The following GMPR variants were observed in gnomAD, a reference collection of about 807,000 sequenced individuals.
GMPR encodes guanosine monophosphate reductase.
A neutral mutation model predicts 38.4 loss-of-function variants in GMPR; 31 were observed. That is an observed-to-expected ratio of 0.81 (90% CI 0.61 to 1.09). The LOEUF (loss-of-function observed/expected upper bound fraction) is 1.09. Ranked by LOEUF, GMPR falls within the 50% of genes least tolerant of loss-of-function variation. GMPR has a pLI of 0.00. For missense variants in GMPR, 468 were observed against 453.7 expected (o/e 1.03, Z -0.29); for synonymous variants, 162 against 173.3 (o/e 0.93, Z 0.51).
intron 3 of GMPR, among the ~76,000 whole-genome samples, chr6:16,251,955 G>A (rs1201596363): frequency 5.3e-5 from 8 of 152,152 alleles, no homozygotes; most frequent in Admixed American, 3.3e-4. Flanking sequence ...GTCTCCCTGG[G>A]TTAGAGGTGT....
At chr6:16,262,207 C>T (rs1341770672) in intron 4 of GMPR, 1 of 151,720 alleles carries the variant, frequency 6.6e-6, no homozygotes. Flanking sequence ...CGAAGCTCGG[C>T]ATCCGTGATG....
intron 8 of GMPR, among the ~76,000 whole-genome samples, chr6:16,294,550 G>A (rs1049492695): frequency 6.6e-6 from 1 of 152,218 alleles, no homozygotes; most frequent in Non-Finnish European, 1.5e-5. Context: ...GAGGACAGGA[G>A]GCTGTTTCCA....
At chr6:16,246,266 C>T (rs905174457) in intron 1 of GMPR, among the ~76,000 whole-genome samples, 5 of 152,174 alleles carry the variant, frequency 3.3e-5, no homozygotes, top group African/African-American at 1.2e-4. Flanking sequence ...GCCCCCTGAC[C>T]TCCCCACCCA....
chr6:16,255,292 T>G (rs1284272656), intron 4 of GMPR, among the ~76,000 whole-genome samples: 1 of 152,120 alleles, frequency 6.6e-6, no homozygotes, highest in Admixed American at 6.5e-5. Flanking sequence ...AGATTACAGG[T>G]GTGAGCCACC....
chr6:16,280,717 G>A (rs1239230965), intron 6 of GMPR, among the ~76,000 whole-genome samples: 3 of 152,100 alleles, frequency 2.0e-5, no homozygotes, highest in Admixed American at 1.3e-4. Flanking sequence ...TCAACATTCC[G>A]GGACCCCATC....
chr6:16,265,793 C>G (rs542076740), intron 4 of GMPR, among the ~76,000 whole-genome samples: 1 of 151,676 alleles, frequency 6.6e-6, no homozygotes, highest in African/African-American at 2.4e-5. Context: ...GGAGCCAGCC[C>G]GGATAACCCA....
chr6:16,267,401 AG>A (rs1352975775), intron 4 of GMPR, among the ~76,000 whole-genome samples: 1 of 151,818 alleles, frequency 6.6e-6, no homozygotes, highest in Non-Finnish European at 1.5e-5. Flanking sequence ...CTCACTGTGA[AG>A]GTCTGTGGCT....
intron 4 of GMPR, among the ~76,000 whole-genome samples, chr6:16,264,893 A>G (rs1329419459): frequency 6.6e-6 from 1 of 152,152 alleles, no homozygotes; most frequent in Non-Finnish European, 1.5e-5. Context: ...GAGGCCTGAC[A>G]CCTTTCACCT....
intron 3 of GMPR, among the ~76,000 whole-genome samples, chr6:16,252,303 A>G (rs1758889828): frequency 6.6e-6 from 1 of 152,112 alleles, no homozygotes; most frequent in African/African-American, 2.4e-5. Context: ...CTTGTCACCC[A>G]GACTGGAGTG....
chr6:16,265,835 C>G (rs1042415357), intron 4 of GMPR, among the ~76,000 whole-genome samples: 1 of 151,682 alleles, frequency 6.6e-6, no homozygotes, highest in African/African-American at 2.4e-5. Flanking sequence ...TGGAGGTTTT[C>G]TTCGTTCGCT....
In GMPR at chr6:16,290,594, A is replaced by AC. The variant is rs1234007922; in HGVS notation, c.830_831insC (p.Lys277AsnfsTer8). On this transcript the variant is annotated frameshift_variant, in exon 8 of 9. Coordinates refer to ENST00000259727, the MANE Select transcript of GMPR (RefSeq NM_006877.4). LOFTEE classifies it high-confidence loss of function. ...ATGAGCTCTGACACCGCCATGAACA[A>AC]GCACGCAGGAGGAGTTGCTGAGTAC... 3 of 1,614,216 alleles carry AC rather than the reference A, an allele frequency of 1.9e-6. No individual in the cohort carries two copies. The highest frequency in any genetic ancestry group is 2.5e-6 in the Non-Finnish European group (3 of 1,180,038).
At chr6:16,266,647 A>G (rs867186094) in intron 4 of GMPR, among the ~76,000 whole-genome samples, 1 of 151,166 alleles carries the variant, frequency 6.6e-6, no homozygotes, top group Non-Finnish European at 1.5e-5. Flanking sequence ...CTAAAAGTAC[A>G]AAAAAAAGAA....
At chr6:16,272,485 A>C (rs1759403979) in intron 4 of GMPR, among the ~76,000 whole-genome samples, 1 of 152,266 alleles carries the variant, frequency 6.6e-6, no homozygotes, top group East Asian at 1.9e-4. Flanking sequence ...CCCAAAAGAA[A>C]TAGAGATTCC....
rs367766075 is a variant in GMPR at position 16,265,918 on chromosome 6, A to G, written c.466-8497A>G. 3.3e-5 allele frequency among the ~76,000 whole-genome samples: 5 copies of G among 152,106 alleles called. No individual in the cohort carries two copies. The East Asian group carries it at 5.8e-4, about 18-fold the overall frequency. On this transcript the variant is annotated intron_variant, in intron 4 of 8. Transcript: ENST00000259727. ...ACTTACTGCAAAGATGTGCAGTTTC[A>G]CTCCTGAAGTCAGTGAGACCACGAA...
At chr6:16,294,947 T>C (rs953904667) in intron 8 of GMPR, 59 bp from the exon 9 acceptor site, 35 of 1,367,970 alleles carry the variant, frequency 2.6e-5, no homozygotes, top group Admixed American at 5.5e-5. Flanking sequence ...GTAATTCTAA[T>C]TGGGCTCTTA....
chr6:16,272,144 A>G (rs989631246), intron 4 of GMPR, among the ~76,000 whole-genome samples: 2 of 152,188 alleles, frequency 1.3e-5, no homozygotes, highest in Non-Finnish European at 2.9e-5. Flanking sequence ...CCCTGGAGGC[A>G]GAGGTTGCAG....
chr6:16,278,228 C>A (rs534098704), intron 5 of GMPR, among the ~76,000 whole-genome samples: 1 of 152,228 alleles, frequency 6.6e-6, no homozygotes, highest in East Asian at 1.9e-4. Flanking sequence ...TGCTGCAGGC[C>A]AGGCCCTGGG....
At chr6:16,285,746 T>G in intron 6 of GMPR, 47 bp from the exon 7 acceptor site, 3 of 1,546,874 alleles carry the variant, frequency 1.9e-6, no homozygotes, top group Non-Finnish European at 2.7e-6. Flanking sequence ...ACAGCCTGGC[T>G]GAGCTCCCGC....
intron 7 of GMPR, among the ~76,000 whole-genome samples, chr6:16,286,285 G>A (rs80155234): frequency 0.021 from 3,131 of 152,164 alleles, 82 homozygotes; most frequent in African/African-American, 0.065. Context: ...CTGTGAGCCC[G>A]TGGGATTGGG....
Sources: gnomAD v4.1 joint callset for allele counts (sites outside exome capture counted in the v4.1 genomes callset) on GRCh38, gnomAD v4.1.1 for gene constraint, MANE v1.5 for transcripts, NCBI Gene and HGNC (gene_info 2026-07-23, HGNC 2026-07-21) for gene names.